The following SPATA17 variants were observed in gnomAD, a reference collection of about 807,000 sequenced individuals.
The protein encoded by SPATA17 is spermatogenesis-associated protein 17.
In SPATA17, 53 loss-of-function variants were observed where a neutral mutation model predicts 62.2. The observed-to-expected ratio is 0.85, with a 90% CI of 0.68 to 1.07. The LOEUF (loss-of-function observed/expected upper bound fraction) is 1.07, where lower values mean the gene tolerates loss of function less well. SPATA17 is among the 50% of genes least tolerant of loss of function. The probability of loss-of-function intolerance (pLI) is 0.00; values close to 1 mark genes in which losing one functional copy is unlikely to be tolerated. For missense variants in SPATA17, 466 were observed against 425.5 expected, an observed-to-expected ratio of 1.10 and a Z score of -0.84; for synonymous variants, 146 against 146.8, an observed-to-expected ratio of 0.99 and a Z score of 0.04.
chr1:217,640,528 G>T (rs1670037705), intron 1 of SPATA17, among the ~76,000 whole-genome samples: 1 of 151,886 alleles, frequency 6.6e-6, no homozygotes, highest in African/African-American at 2.4e-5. Context: ...TTTTCTATTG[G>T]CCTCATAAAA....
At chr1:217,661,958 A>G (rs1008055739) in intron 3 of SPATA17, among the ~76,000 whole-genome samples, 2 of 152,056 alleles carry the variant, frequency 1.3e-5, no homozygotes, top group Non-Finnish European at 2.9e-5. Flanking sequence ...TCCTTACTCC[A>G]TTCGTTTCAT....
chr1:217,793,751 A>T (rs1051588491), intron 8 of SPATA17, among the ~76,000 whole-genome samples: 2 of 152,152 alleles, frequency 1.3e-5, no homozygotes, highest in African/African-American at 4.8e-5. Flanking sequence ...ACCAGGAGCG[A>T]TTGTGCAAAT....
intron 1 of SPATA17, among the ~76,000 whole-genome samples, chr1:217,640,210 TTAAA>T (rs1670028998): frequency 6.6e-6 from 1 of 152,004 alleles, no homozygotes; most frequent in Non-Finnish European, 1.5e-5. Flanking sequence ...ACAGCAGTTA[TTAAA>T]TAGTCCATCC....
chr1:217,708,674 A>T (rs750131135), intron 5 of SPATA17, among the ~76,000 whole-genome samples: 69 of 152,016 alleles, frequency 4.5e-4, no homozygotes, highest in Non-Finnish European at 8.7e-4. Context: ...AAACTATCTC[A>T]TTCTATGAAG....
intron 6 of SPATA17, among the ~76,000 whole-genome samples, chr1:217,770,319 G>A (rs777297205): frequency 3.3e-4 from 50 of 152,064 alleles, no homozygotes; most frequent in Admixed American, 5.9e-4. Context: ...TTTTTGCTGC[G>A]TAATTGTCAT....
At chr1:217,683,461 T>C (rs12073566) in intron 5 of SPATA17, 100 bp downstream of exon 5, 176,749 of 813,802 alleles carry the variant, frequency 0.22, 20,683 homozygotes, top group African/African-American at 0.36. Flanking sequence ...TTGTTTTAGA[T>C]GGAGTCTTGC....
Position 217,790,723 on chromosome 1 carries a change from C to T in SPATA17, c.872+8401C>T, listed in dbSNP as rs184665752. Among the ~76,000 whole-genome samples the T allele has an allele frequency of 2.0e-3, 298 of 152,248 alleles. 1 individual carries two copies. The highest frequency in any genetic ancestry group is 6.5e-3 in the African/African-American group (272 of 41,550). ...GATTACAGGCGTGAGCCACCGCGCC[C>T]GGCCAAATTACTCACTTTTAAAACT... On this transcript the variant is annotated intron_variant, in intron 8 of 10. Transcript: ENST00000366933.
At chr1:217,819,808 A>G (rs1327296373) in intron 9 of SPATA17, among the ~76,000 whole-genome samples, 1 of 151,852 alleles carries the variant, frequency 6.6e-6, no homozygotes, top group Non-Finnish European at 1.5e-5. Context: ...TGATGTATGG[A>G]GAGATTTGGA....
intron 9 of SPATA17, among the ~76,000 whole-genome samples, chr1:217,837,856 T>A (rs1000298222): frequency 1.3e-5 from 2 of 152,154 alleles, no homozygotes; most frequent in Admixed American, 1.3e-4. Flanking sequence ...CCAGAATTGC[T>A]CTGTTTACTA....
intron 6 of SPATA17, among the ~76,000 whole-genome samples, chr1:217,744,462 CAA>C (rs766645844): frequency 9.8e-5 from 3 of 30,598 alleles, no homozygotes; most frequent in East Asian, 1.6e-3. Flanking sequence ...GACTCCGTCT[CAA>C]AAAAAAAAAA....
intron 1 of SPATA17, among the ~76,000 whole-genome samples, chr1:217,647,094 G>A (rs1670199987): frequency 1.3e-5 from 2 of 152,234 alleles, no homozygotes; most frequent in Admixed American, 6.5e-5. Context: ...GATTATGTAT[G>A]AGTTAATTCA....
chr1:217,818,848 T>G (rs959895155), intron 9 of SPATA17, among the ~76,000 whole-genome samples: 2 of 151,304 alleles, frequency 1.3e-5, no homozygotes, highest in African/African-American at 4.8e-5. Flanking sequence ...CTTTAACCCT[T>G]TTCTCTCTCA....
intron 4 of SPATA17, among the ~76,000 whole-genome samples, chr1:217,671,636 C>T (rs1670833832): frequency 6.6e-6 from 1 of 152,028 alleles, no homozygotes; most frequent in Non-Finnish European, 1.5e-5. Flanking sequence ...CTCTCCTGTC[C>T]TCTCCTATCC....
chr1:217,796,958 A>G (rs1173927932), intron 8 of SPATA17, among the ~76,000 whole-genome samples: 1 of 152,208 alleles, frequency 6.6e-6, no homozygotes, highest in Non-Finnish European at 1.5e-5. Flanking sequence ...TCAACAACTT[A>G]TGGCCCTTTT....
intron 9 of SPATA17, among the ~76,000 whole-genome samples, chr1:217,844,122 G>A (rs1675470905): frequency 6.6e-6 from 1 of 152,132 alleles, no homozygotes; most frequent in South Asian, 2.1e-4. Flanking sequence ...TCCTAGGTCA[G>A]AGATTTTATC....
chr1:217,840,482 A>C (rs1171598317), intron 9 of SPATA17, among the ~76,000 whole-genome samples: 1 of 152,102 alleles, frequency 6.6e-6, no homozygotes, highest in Non-Finnish European at 1.5e-5. Context: ...CTGGCCTATT[A>C]ACCATTACAC....
At chr1:217,674,872 G>A (rs1006410043) in intron 4 of SPATA17, among the ~76,000 whole-genome samples, 4 of 152,156 alleles carry the variant, frequency 2.6e-5, no homozygotes, top group Admixed American at 2.6e-4. Context: ...CTGAGTCTGG[G>A]ATTTTTATAG....
intron 1 of SPATA17, among the ~76,000 whole-genome samples, chr1:217,639,222 A>G (rs1026548554): frequency 1.1e-4 from 16 of 152,156 alleles, no homozygotes; most frequent in African/African-American, 3.9e-4. Context: ...GAAAATAAAA[A>G]TAGTTATTTG....
chr1:217,809,172 A>T (rs547772076), intron 9 of SPATA17, among the ~76,000 whole-genome samples: 1 of 152,198 alleles, frequency 6.6e-6, no homozygotes, highest in Non-Finnish European at 1.5e-5. Context: ...CATGCTGGAA[A>T]GTAAATTGGA....
Sources: allele counts gnomAD v4.1 joint callset (sites outside exome capture counted in the v4.1 genomes callset), GRCh38; gene constraint gnomAD v4.1.1; transcripts MANE v1.5; gene names NCBI Gene and HGNC (gene_info 2026-07-23, HGNC 2026-07-21).